BOD1L1: variants seen among roughly 807,000 people sequenced by gnomAD.
The protein encoded by BOD1L1 is biorientation of chromosomes in cell division 1 like 1.
A neutral mutation model predicts 240.7 loss-of-function variants in BOD1L1; 86 were observed. The ratio of observed to expected loss-of-function variants is 0.36; its 90% CI spans 0.30 to 0.43. The LOEUF is 0.43. Among genes scored for constraint, BOD1L1 ranks in the 20% least tolerant of loss-of-function variants. The pLI, the probability that BOD1L1 is intolerant of heterozygous loss-of-function variation, is 1.00. For missense variants in BOD1L1, 3,554 were observed against 3,643.5 expected (o/e 0.98, Z 0.63); for synonymous variants, 1,268 against 1,272.3 (o/e 1.00, Z 0.07).
chr4:13,589,189 A>G (rs1357813724), intron 14 of BOD1L1, among the ~76,000 whole-genome samples: 1 of 152,200 alleles, frequency 6.6e-6, no homozygotes, highest in Non-Finnish European at 1.5e-5. Flanking sequence ...TCACCAAACA[A>G]TACCAAATAT....
Position 13,572,746 on chromosome 4 carries a change from C to T in BOD1L1, c.9039-2618G>A, listed in dbSNP as rs1210891203. On this transcript the variant is annotated intron_variant, in intron 25 of 25. Transcript: ENST00000040738. ...TACTAACTTTTTCGCTGGTAGGTAA[C>T]TTCTCTTTTGCTAATTTTTGGCGAT... 2.3e-6 allele frequency: 3 copies of T among 1,289,768 alleles called. No homozygotes were observed. In the Admixed American group the frequency reaches 6.9e-5, roughly 30 times the overall value. 79.9% of individuals were successfully genotyped at this position (1,289,768 alleles called of 1,614,324 possible). A position where few individuals can be genotyped will look rare whatever the true frequency, so the allele number is the denominator to read the frequency against.
Position 13,595,933 on chromosome 4 carries a change from A to C in BOD1L1, c.8031T>G (p.Pro2677=). The part of the protein sequence containing the change: ...KANLKMEAYV[P]SEEEKNGEIL... ...TTTCACCATTTTTCTCTTCCTCTGA[A>C]GGCACATAAGCCTAAAAAATCCAAA... is the stretch of plus-strand genomic sequence containing the variant. The change falls in exon 12 of 26, where the codon CCT becomes CCG. Residue 2677 remains proline (P), a synonymous_variant. Transcript: ENST00000040738. The C allele has an allele frequency of 6.2e-7, 1 of 1,613,684 alleles. No individual in the cohort carries two copies. The highest frequency in any genetic ancestry group is 1.1e-5 in the South Asian group (1 of 91,050).
At chr4:13,580,748 T>C (rs996478585) in intron 21 of BOD1L1, among the ~76,000 whole-genome samples, 16 of 152,206 alleles carry the variant, frequency 1.1e-4, no homozygotes, top group Admixed American at 3.9e-4. Context: ...AGCTAATTTG[T>C]ATATTTTAAC....
At chr4:13,610,902 T>C (rs1239665667) in intron 6 of BOD1L1, 32 bp downstream of exon 6, 5 of 1,546,764 alleles carry the variant, frequency 3.2e-6, no homozygotes, top group African/African-American at 1.4e-5. Flanking sequence ...CCTGATGTAG[T>C]AGGTTAAAAT....
chr4:13,591,070 A>G (rs1714167437), intron 13 of BOD1L1, among the ~76,000 whole-genome samples: 1 of 152,068 alleles, frequency 6.6e-6, no homozygotes, highest in Admixed American at 6.5e-5. Flanking sequence ...ATTTTATTAA[A>G]AAAAAAATTT....
In BOD1L1 at chr4:13,595,869, T is replaced by C. The variant is rs759169386; in HGVS notation, c.8095A>G (p.Ser2699Gly). The C allele has an allele frequency of 3.7e-6, 6 of 1,613,492 alleles. No individual in the cohort carries two copies. The African/African-American group carries it at 8.0e-5, about 22-fold the overall frequency. Residue 2699 changes from serine (S) to glycine (G), a missense_variant, in exon 12 of 26, where the codon AGT becomes GGT. Ser to Gly is a moderately conservative substitution (Grantham distance 56). This residue lies in a region of BOD1L1 where 3,393 missense variants were observed against 3,427.1 expected (regional missense o/e 0.99). Transcript: ENST00000040738. ...PPESLCGGKP[S>G]GIAELQREPL... is the part of the protein sequence containing the mutation. ...ATTCTAAAGAGCTCACCTATTCCAC[T>C]TGGCTTTCCCCCACACAGACTTTCT... is the stretch of plus-strand genomic sequence containing the variant.
At chr4:13,589,318 A>G (rs1713986828) in intron 14 of BOD1L1, among the ~76,000 whole-genome samples, 1 of 152,230 alleles carries the variant, frequency 6.6e-6, no homozygotes, top group South Asian at 2.1e-4. Flanking sequence ...AGTACACTAC[A>G]TAAGCACTGG....
At position 13,611,103 on chromosome 4, in the gene BOD1L1, G is replaced by A; in HGVS notation, c.1325-3C>T. On this transcript the variant is annotated splice_region_variant and splice_polypyrimidine_tract_variant and intron_variant, in intron 5 of 25. Transcript: ENST00000040738. ...ATTCTGTTTGTTCTTCTCTTCATCT[G>A]TAAGAAAGTTAATAGAAAGAGGAGT... 1 of 1,586,210 alleles carries A rather than the reference G, an allele frequency of 6.3e-7. No individual in the cohort carries two copies. Among genetic ancestry groups the A allele is most frequent in the Non-Finnish European group, 8.6e-7 (1 of 1,160,696 alleles).
At position 13,577,590 on chromosome 4, in the gene BOD1L1, T is replaced by A; in HGVS notation, c.8791A>T (p.Ile2931Leu). ...KETANLQERS[I>L]SNDDGEEKIV... ...AGAAATTTAACACTTACATTGCTTATACTTCTTTCTTGTAGGTTAGCTGTT... is the reference window on the plus strand; with the variant it reads ...AGAAATTTAACACTTACATTGCTTAAACTTCTTTCTTGTAGGTTAGCTGTT... The change falls in exon 23 of 26, where the codon ATA becomes TTA. Residue 2931 changes from isoleucine (I) to leucine (L), a missense_variant. By Grantham distance (5) the Ile-to-Leu change is conservative. Around this residue, in one of 2 missense-constraint regions of BOD1L1, gnomAD observed 3,393 missense variants for 3,427.1 expected, o/e 0.99. Transcript: ENST00000040738. 6.4e-7 allele frequency: 1 copy of A among 1,571,488 alleles called. No individual in the cohort carries two copies. The highest frequency in any genetic ancestry group is 8.7e-7 in the Non-Finnish European group (1 of 1,153,678).
chr4:13,599,028 A>G lies in BOD1L1; in HGVS notation c.7872T>C (p.Asp2624=). 1.2e-6 allele frequency: 2 copies of G among 1,613,958 alleles called. No individual in the cohort carries two copies. The highest frequency in any genetic ancestry group is 1.7e-6 in the Non-Finnish European group (2 of 1,179,872). The change falls in exon 10 of 26, where the codon GAT becomes GAC. Residue 2624 remains aspartate (D), a synonymous_variant. Transcript: ENST00000040738. ...TDQASAEKTG[D]DNSTRKSFPE... ...GGAATGATTTCCTTGTGCTGTTATC[A>G]TCTCCTGTTTTCTCAGCAGATGCTT...
chr4:13,607,522 T>C (rs1420535956), intron 8 of BOD1L1, among the ~76,000 whole-genome samples: 2 of 152,154 alleles, frequency 1.3e-5, no homozygotes, highest in African/African-American at 4.8e-5. Context: ...GGTCTCAAAC[T>C]CCTGACCTCA....
In BOD1L1 at chr4:13,599,487, T is replaced by C. The variant is rs761214660; in HGVS notation, c.7413A>G (p.Lys2471=). ...TCCCTGTCTCTGGGCTCTTATCTTCTTTCTGAAGGGAGTTCAACAATACAT... is the reference window on the plus strand; with the variant it reads ...TCCCTGTCTCTGGGCTCTTATCTTCCTTCTGAAGGGAGTTCAACAATACAT... ...EKNVLLNSLQ[K]EDKSPETGTA... Residue 2471 remains lysine (K), a synonymous_variant, in exon 10 of 26, where the codon AAA becomes AAG. Transcript: ENST00000040738. 3 of 1,613,934 alleles carry C rather than the reference T, an allele frequency of 1.9e-6. No individual in the cohort carries two copies. The African/African-American group carries it at 4.0e-5, about 22-fold the overall frequency.
intron 1 of BOD1L1, chr4:13,625,590 A>G (rs1717329668): frequency 6.6e-6 from 1 of 152,206 alleles, no homozygotes. Flanking sequence ...GGTTTCTGAG[A>G]ACACACAGAT....
chr4:13,590,182 T>C (rs1172470024), intron 14 of BOD1L1, among the ~76,000 whole-genome samples: 1 of 152,224 alleles, frequency 6.6e-6, no homozygotes, highest in Non-Finnish European at 1.5e-5. Flanking sequence ...TTTTAAGCTG[T>C]ATGGCTTGGA....
At chr4:13,607,313 T>G in intron 8 of BOD1L1, 124 bp from the exon 9 acceptor site, 1 of 365,284 alleles carries the variant, frequency 2.7e-6, no homozygotes, top group Non-Finnish European at 4.3e-6. Flanking sequence ...TATTATTATT[T>G]TTTGAGGTGG....
intron 6 of BOD1L1, 86 bp downstream of exon 6, chr4:13,610,848 T>C (rs966526080): frequency 5.2e-6 from 6 of 1,153,392 alleles, no homozygotes; most frequent in African/African-American, 1.6e-5. Context: ...CTCTGCTTCA[T>C]ATGCACATCA....
intron 1 of BOD1L1, among the ~76,000 whole-genome samples, chr4:13,622,043 T>G (rs1560221236): frequency 6.6e-6 from 1 of 152,158 alleles, no homozygotes; most frequent in East Asian, 1.9e-4. Flanking sequence ...TTTTGTATTT[T>G]TAGTGGAGAC....
Position 13,601,416 on chromosome 4 carries a change from A to C in BOD1L1, c.5484T>G (p.Ser1828Arg). The change falls in exon 10 of 26, where the codon AGT becomes AGG. Residue 1828 changes from serine to arginine, a missense_variant. Ser to Arg is a moderately radical substitution (Grantham distance 110, BLOSUM62 -1). Coordinates refer to ENST00000040738, the MANE Select transcript of BOD1L1 (RefSeq NM_148894.3). The stretch of plus-strand genomic sequence containing the variant: ...CTTTGGCCACTGTGCTGTCCATTGC[A>C]CTCTCTCCATTTTCTTCCGATTCAG... ...ISSESEENGE[S>R]AMDSTVAKEG... 6.2e-7 allele frequency: 1 copy of C among 1,613,674 alleles called. No homozygotes were observed. Among genetic ancestry groups the C allele is most frequent in the Non-Finnish European group, 8.5e-7 (1 of 1,179,824 alleles).
Position 13,604,719 on chromosome 4 carries a change from C to T in BOD1L1, c.2181G>A (p.Lys727=), listed in dbSNP as rs1478697325. 36 of 1,605,048 alleles carry T rather than the reference C, an allele frequency of 2.2e-5. No individual in the cohort carries two copies. Among genetic ancestry groups the T allele is most frequent in the Non-Finnish European group, 2.9e-5 (34 of 1,177,946 alleles). The change falls in exon 10 of 26, where the codon AAG becomes AAA. Residue 727 remains lysine (K), a synonymous_variant. Coordinates refer to ENST00000040738, the MANE Select transcript of BOD1L1 (RefSeq NM_148894.3). ...CCGATGGAGTTTTCTCTCTTTCAGGCTTCTCCTTGGAGGATTTCACCTCTT... is the reference window on the plus strand; with the variant it reads ...CCGATGGAGTTTTCTCTCTTTCAGGTTTCTCCTTGGAGGATTTCACCTCTT... ...LKKEVKSSKE[K]PEREKTPSED...
Sources: allele counts gnomAD v4.1 joint callset (sites outside exome capture counted in the v4.1 genomes callset), GRCh38; gene constraint gnomAD v4.1.1; regional missense constraint gnomAD v4.1.1; transcripts MANE v1.5; gene names NCBI Gene and HGNC (gene_info 2026-07-23, HGNC 2026-07-21).